SLC2A9: variants seen among roughly 807,000 people sequenced by gnomAD.
SLC2A9 encodes the protein solute carrier family 2 member 9.
A neutral mutation model predicts 50.6 loss-of-function variants in SLC2A9; 39 were observed. The observed-to-expected ratio is 0.77, with a 90% confidence interval of 0.60 to 1.01. SLC2A9 has a LOEUF of 1.01. SLC2A9 is among the 50% of genes least tolerant of loss of function. SLC2A9 has a pLI of 0.00. For missense variants in SLC2A9, 686 were observed against 677.6 expected, an observed-to-expected ratio of 1.01 and a Z score of -0.14; for synonymous variants, 324 against 276.9, an observed-to-expected ratio of 1.17 and a Z score of -1.69.
At chr4:9,884,503 T>C (rs963947876) in intron 10 of SLC2A9, among the ~76,000 whole-genome samples, 3 of 151,910 alleles carry the variant, frequency 2.0e-5, no homozygotes, top group Admixed American at 6.6e-5. Flanking sequence ...TTTTGGAGGG[T>C]TGGCAATTAA....
Position 9,890,601 on chromosome 4 carries a change from T to A in SLC2A9, c.1215+9A>T. On this transcript the variant is annotated intron_variant, in intron 9 of 11. Coordinates refer to ENST00000264784, the MANE Select transcript of SLC2A9 (RefSeq NM_020041.3). ...ATCTCCCTCAAATGTGACAAGAACA[T>A]CGTCTCACCTGCAGGGTCAGCGTGA... 2 of 1,613,528 alleles carry A rather than the reference T, an allele frequency of 1.2e-6. No homozygotes were observed. Among genetic ancestry groups the A allele is most frequent in the East Asian group, 4.5e-5 (2 of 44,886 alleles).
chr4:9,923,267 T>C (rs373224421), intron 6 of SLC2A9, among the ~76,000 whole-genome samples: 1 of 152,134 alleles, frequency 6.6e-6, no homozygotes. Flanking sequence ...ATGGATGTGC[T>C]TTGGTCAAGG....
chr4:9,977,278 T>C (rs1754961057), intron 5 of SLC2A9, among the ~76,000 whole-genome samples: 1 of 151,996 alleles, frequency 6.6e-6, no homozygotes, highest in African/African-American at 2.4e-5. Context: ...AGGTGGGACG[T>C]TTTTTGTTTT....
At chr4:9,980,464 A>G in intron 5 of SLC2A9, 128 bp downstream of exon 5, 1 of 1,270,800 alleles carries the variant, frequency 7.9e-7, no homozygotes, top group Non-Finnish European at 1.1e-6. Context: ...CTTTTCTCCA[A>G]TAATAAGTAA....
intron 10 of SLC2A9, among the ~76,000 whole-genome samples, chr4:9,882,109 C>G (rs1432071196): frequency 3.3e-5 from 5 of 152,202 alleles, no homozygotes; most frequent in Non-Finnish European, 5.9e-5. Flanking sequence ...AATCAACATG[C>G]TTTTAATTCA....
At chr4:9,792,109 G>C (rs2108887339) in intron 3 of SLC2A9, among the ~76,000 whole-genome samples, 1 of 149,910 alleles carries the variant, frequency 6.7e-6, no homozygotes, top group South Asian at 2.1e-4. Context: ...GAAAGCCTGT[G>C]CTCATTTCTC....
intron 2 of SLC2A9, among the ~76,000 whole-genome samples, chr4:10,005,657 A>C (rs1288255794): frequency 6.6e-6 from 1 of 152,250 alleles, no homozygotes; most frequent in Non-Finnish European, 1.5e-5. Flanking sequence ...ACTACAGCCT[A>C]AACTGCAAAC....
intron 1 of SLC2A9, among the ~76,000 whole-genome samples, chr4:10,032,128 C>T (rs957148154): frequency 2.0e-5 from 3 of 152,176 alleles, no homozygotes; most frequent in Non-Finnish European, 4.4e-5. Flanking sequence ...CTCCTCACAC[C>T]AAGTGGGGCA....
At chr4:9,923,678 A>G (rs1577910230) in intron 6 of SLC2A9, 1 of 152,450 alleles carries the variant, frequency 6.6e-6, no homozygotes, top group East Asian at 1.9e-4. Flanking sequence ...TGGCTCAAGC[A>G]GCTGAGACAG....
In SLC2A9 at chr4:9,895,814, C is replaced by T. The variant is rs138584318; in HGVS notation, c.1114-5103G>A. On this transcript the variant is annotated intron_variant, in intron 8 of 11. Coordinates refer to ENST00000264784, the MANE Select transcript of SLC2A9 (RefSeq NM_020041.3). ...AGGATATTGAACATTTCCATCACTT[C>T]CCAGAATTATCTTGTGTCTCTTCCC... Among the ~76,000 whole-genome samples, 575 of 152,342 alleles carry T rather than the reference C, an allele frequency of 3.8e-3. 5 individuals are homozygous for T. The highest frequency in any genetic ancestry group is 0.017 in the South Asian group (81 of 4,820).
chr4:9,861,350 C>G (rs1289529033), intron 10 of SLC2A9, among the ~76,000 whole-genome samples: 1 of 151,922 alleles, frequency 6.6e-6, no homozygotes, highest in Non-Finnish European at 1.5e-5. Context: ...AGTGAGAACT[C>G]ACTATCACAA....
At chr4:10,002,376 A>G (rs7657096) in intron 2 of SLC2A9, among the ~76,000 whole-genome samples, 19,603 of 152,224 alleles carry the variant, frequency 0.13, 2,046 homozygotes, top group East Asian at 0.47. Flanking sequence ...TCATTTACAA[A>G]CAAGGGGCCT....
chr4:9,778,369 T>C (rs111404399), downstream of SLC2A9, among the ~76,000 whole-genome samples: 15 of 152,210 alleles, frequency 9.9e-5, no homozygotes, highest in African/African-American at 3.4e-4. Flanking sequence ...ATCCACCTGC[T>C]TCAGCCTCCC....
chr4:9,884,180 C>A (rs180904412), intron 10 of SLC2A9, among the ~76,000 whole-genome samples: 1 of 152,352 alleles, frequency 6.6e-6, no homozygotes, highest in Admixed American at 6.5e-5. Context: ...TAGCGTTACA[C>A]TGACTGATAC....
chr4:9,952,763 G>A (rs1027662591), intron 5 of SLC2A9, among the ~76,000 whole-genome samples: 2 of 152,162 alleles, frequency 1.3e-5, no homozygotes, highest in East Asian at 1.9e-4. Flanking sequence ...GGGTTCAAGC[G>A]ATCTGCCTGC....
intron 10 of SLC2A9, among the ~76,000 whole-genome samples, chr4:9,859,547 G>T (rs1024335687): frequency 6.6e-5 from 10 of 152,372 alleles, no homozygotes; most frequent in Admixed American, 5.9e-4. Context: ...GGCCAAGTGA[G>T]GGAGCATAGA....
intron 1 of SLC2A9, among the ~76,000 whole-genome samples, chr4:9,773,199 C>T (rs1185958477): frequency 3.3e-5 from 5 of 152,200 alleles, no homozygotes; most frequent in East Asian, 1.9e-4. Flanking sequence ...ATCAGGGGTC[C>T]TGTGGTTGAG....
chr4:9,895,600 C>A (rs536745955), intron 8 of SLC2A9, among the ~76,000 whole-genome samples: 4 of 152,230 alleles, frequency 2.6e-5, no homozygotes, highest in Non-Finnish European at 5.9e-5. Context: ...ATTCACCCAG[C>A]ACCCAGTGCC....
chr4:10,033,170 CGA>C, intron 1 of SLC2A9, among the ~76,000 whole-genome samples: 1 of 152,214 alleles, frequency 6.6e-6, no homozygotes, highest in Non-Finnish European at 1.5e-5. Context: ...ATCACTTGCT[CGA>C]GTGTGTTATG....
Sources: gnomAD v4.1 joint callset for allele counts (sites outside exome capture counted in the v4.1 genomes callset) on GRCh38, gnomAD v4.1.1 for gene constraint, MANE v1.5 for transcripts, NCBI Gene and HGNC (gene_info 2026-07-23, HGNC 2026-07-21) for gene names.